DPP6: variants seen among roughly 807,000 people sequenced by gnomAD.
The protein encoded by DPP6 is dipeptidyl peptidase like 6.
Under a neutral mutation model 122.6 loss-of-function variants are expected in DPP6, and 69 were observed. That is an observed-to-expected ratio of 0.56 (90% CI 0.46 to 0.69). DPP6 has a LOEUF of 0.69. Among genes scored for constraint, DPP6 ranks in the 30% least tolerant of loss-of-function variants. The probability of loss-of-function intolerance (pLI) is 0.00; values close to 1 mark genes in which losing one functional copy is unlikely to be tolerated. For missense variants in DPP6, 928 were observed against 1,116.9 expected, an observed-to-expected ratio of 0.83 and a Z score of 2.41; for synonymous variants, 418 against 433.1, an observed-to-expected ratio of 0.97 and a Z score of 0.43.
chr7:154,150,397 C>G (rs184209423), intron 1 of DPP6, among the ~76,000 whole-genome samples: 13 of 152,276 alleles, frequency 8.5e-5, no homozygotes, highest in African/African-American at 3.1e-4. Context: ...CTGCTGACCT[C>G]TGGGACCAAA....
At chr7:154,538,555 C>T (rs1731264610) in intron 3 of DPP6, among the ~76,000 whole-genome samples, 1 of 152,036 alleles carries the variant, frequency 6.6e-6, no homozygotes, top group African/African-American at 2.4e-5. Context: ...GAGGGGGTGT[C>T]AAAGGTAGTA....
intron 16 of DPP6, among the ~76,000 whole-genome samples, chr7:154,819,941 C>G (rs1563247366): frequency 6.6e-6 from 1 of 152,100 alleles, no homozygotes; most frequent in African/African-American, 2.4e-5. Flanking sequence ...ATTTTTGCCC[C>G]TAAGACAAAA....
chr7:154,136,113 A>C (rs1463839757), intron 1 of DPP6, among the ~76,000 whole-genome samples: 1 of 152,088 alleles, frequency 6.6e-6, no homozygotes, highest in Non-Finnish European at 1.5e-5. Flanking sequence ...GTGTTTCTCC[A>C]ATGCCAGTTC....
At chr7:154,689,038 A>G (rs540197553) in intron 7 of DPP6, among the ~76,000 whole-genome samples, 3 of 152,206 alleles carry the variant, frequency 2.0e-5, no homozygotes, top group Non-Finnish European at 4.4e-5. Flanking sequence ...CTCTCCAAAT[A>G]ATGACACATT....
chr7:154,218,992 G>A (rs780371430), intron 1 of DPP6, among the ~76,000 whole-genome samples: 3 of 152,158 alleles, frequency 2.0e-5, no homozygotes, highest in Non-Finnish European at 4.4e-5. Flanking sequence ...TACACACACA[G>A]GTTTCCCAGA....
chr7:154,517,929 A>G (rs1009844794), intron 3 of DPP6, among the ~76,000 whole-genome samples: 1 of 152,196 alleles, frequency 6.6e-6, no homozygotes, highest in Non-Finnish European at 1.5e-5. Context: ...GCTCTAATAA[A>G]TGAGATGCAG....
chr7:154,840,654 G>A (rs1451901907), intron 16 of DPP6, among the ~76,000 whole-genome samples: 1 of 152,150 alleles, frequency 6.6e-6, no homozygotes, highest in Non-Finnish European at 1.5e-5. Context: ...AGACTCATAC[G>A]GAATATACAA....
intron 2 of DPP6, among the ~76,000 whole-genome samples, chr7:154,448,314 A>G (rs1042468670): frequency 6.6e-6 from 1 of 152,196 alleles, no homozygotes; most frequent in Non-Finnish European, 1.5e-5. Flanking sequence ...AATTAAGAAA[A>G]TGATTCCACT....
intron 1 of DPP6, among the ~76,000 whole-genome samples, chr7:154,338,401 G>C (rs1441433316): frequency 6.6e-6 from 1 of 152,112 alleles, no homozygotes; most frequent in Non-Finnish European, 1.5e-5. Flanking sequence ...AACGATCTCA[G>C]GAAAACCTAA....
At chr7:154,796,474 T>G (rs1156832803) in intron 12 of DPP6, among the ~76,000 whole-genome samples, 1 of 152,234 alleles carries the variant, frequency 6.6e-6, no homozygotes, top group Non-Finnish European at 1.5e-5. Context: ...CAATTTTTTC[T>G]AAATTAAACT....
At chr7:153,832,244 C>G in the DPP6 span, among the ~76,000 whole-genome samples, 1 of 152,212 alleles carries the variant, frequency 6.6e-6, no homozygotes, top group Non-Finnish European at 1.5e-5. Context: ...CAACCACATA[C>G]ATGTTTAATC....
chr7:154,495,646 T>G (rs1467630191), intron 3 of DPP6, among the ~76,000 whole-genome samples: 1 of 152,180 alleles, frequency 6.6e-6, no homozygotes, highest in Non-Finnish European at 1.5e-5. Context: ...CACCTTGATC[T>G]CCCAAAGTGC....
chr7:154,872,843 AG>A lies in DPP6; in HGVS notation c.1883+152del, dbSNP rs1463665946. 4 of 1,441,498 alleles carry A rather than the reference AG, an allele frequency of 2.8e-6. No individual in the cohort carries two copies. The East Asian group carries it at 9.9e-5, about 36-fold the overall frequency. 89.3% of individuals were successfully genotyped at this position (1,441,498 alleles called of 1,614,324 possible). On this transcript the variant is annotated intron_variant, in intron 19 of 25. Coordinates refer to ENST00000377770, the MANE Select transcript of DPP6 (RefSeq NM_130797.4). ...ACATAACATCGTTTAGCCCAATGTC[AG>A]GTTCTTTAGGAATCTTGGAGACACC...
At chr7:154,764,309 C>CT (rs1273644394) in intron 8 of DPP6, among the ~76,000 whole-genome samples, 1 of 152,148 alleles carries the variant, frequency 6.6e-6, no homozygotes. Context: ...TATTCTTGAC[C>CT]TGTTAGGTCC....
At chr7:154,653,414 A>G (rs994087234) in intron 6 of DPP6, among the ~76,000 whole-genome samples, 1 of 152,216 alleles carries the variant, frequency 6.6e-6, no homozygotes, top group Non-Finnish European at 1.5e-5. Context: ...TAAATGATAG[A>G]TAGATGATGG....
chr7:154,706,166 C>T lies in DPP6; in HGVS notation c.763-21601C>T, dbSNP rs151244686. 5.0e-3 allele frequency among the ~76,000 whole-genome samples: 765 copies of T among 152,294 alleles called. 8 individuals are homozygous for T. The highest frequency in any genetic ancestry group is 0.018 in the African/African-American group (731 of 41,578). On this transcript the variant is annotated intron_variant, in intron 7 of 25. Transcript: ENST00000377770. The stretch of plus-strand genomic sequence containing the variant: ...CAGGAGTGTAACTTCTAGGATCCTG[C>T]GTCCCCTGCCACTTCTCCAGCTTAT...
At chr7:154,333,380 C>T (rs1023037886) in intron 1 of DPP6, among the ~76,000 whole-genome samples, 47 of 152,138 alleles carry the variant, frequency 3.1e-4, no homozygotes, top group Non-Finnish European at 4.9e-4. Context: ...AAGCTCTAGA[C>T]TGGTCTTGCC....
chr7:154,737,128 G>T (rs1041853364), intron 8 of DPP6, among the ~76,000 whole-genome samples: 2 of 152,216 alleles, frequency 1.3e-5, no homozygotes, highest in Admixed American at 1.3e-4. Context: ...TTCACATACT[G>T]AATGAATAGA....
chr7:153,858,160 CAAG>C, the DPP6 span, among the ~76,000 whole-genome samples: 30 of 152,260 alleles, frequency 2.0e-4, no homozygotes, highest in Non-Finnish European at 3.7e-4. Flanking sequence ...TTCAAAATGA[CAAG>C]AGAGTTTTCT....
Sources: allele counts gnomAD v4.1 joint callset (sites outside exome capture counted in the v4.1 genomes callset), GRCh38; gene constraint gnomAD v4.1.1; transcripts MANE v1.5; gene names NCBI Gene and HGNC (gene_info 2026-07-23, HGNC 2026-07-21).